Variants in CD99L2 observed in about 807,000 individuals in gnomAD.
CD99L2 encodes the protein CD99 molecule like 2, also known as CD99 antigen-like protein 2.
CD99L2 carries 24 observed loss-of-function variants against 27.3 expected under a neutral mutation model. That is an observed-to-expected ratio of 0.88 (90% CI 0.64 to 1.24). CD99L2 has a LOEUF of 1.24. Among genes scored for constraint, CD99L2 ranks in the 50% most tolerant of loss-of-function variants. The probability of loss-of-function intolerance (pLI) is 0.00; values close to 1 mark genes in which losing one functional copy is unlikely to be tolerated. For missense variants in CD99L2, 255 were observed against 221.6 expected (o/e 1.15, Z -0.96); for synonymous variants, 97 against 87.9 (o/e 1.10, Z -0.58).
intron 4 of CD99L2, among the ~76,000 whole-genome samples, chrX:150,809,050 A>G (rs2046037345): frequency 9.0e-6 from 1 of 111,041 alleles, no homozygotes; most frequent in Non-Finnish European, 1.9e-5. Context: ...TTGAAGATGA[A>G]GGAAGTAACC....
At chrX:150,865,851 T>C (rs2047051889) in intron 1 of CD99L2, among the ~76,000 whole-genome samples, 1 of 112,665 alleles carries the variant, frequency 8.9e-6, no homozygotes, top group Admixed American at 9.3e-5. Flanking sequence ...CCAGGTGTGG[T>C]GGCTCCCACC....
At chrX:150,775,122 C>T (rs782243342) in intron 9 of CD99L2, among the ~76,000 whole-genome samples, 8 of 112,470 alleles carry the variant, frequency 7.1e-5, no homozygotes, top group Admixed American at 1.9e-4. Context: ...TGGAGACTTC[C>T]GTAAAGCATC....
intron 7 of CD99L2, among the ~76,000 whole-genome samples, chrX:150,790,097 C>T (rs1369799838): frequency 9.0e-6 from 1 of 110,507 alleles, no homozygotes; most frequent in Non-Finnish European, 1.9e-5. Context: ...GTCTGAAAAG[C>T]CTATATACTG....
At chrX:150,882,424 T>C (rs184536896) in intron 1 of CD99L2, among the ~76,000 whole-genome samples, 1 of 112,196 alleles carries the variant, frequency 8.9e-6, no homozygotes, top group East Asian at 2.8e-4. Flanking sequence ...ACCTAAATAT[T>C]CATCAAAAAT....
chrX:150,818,828 G>A, intron 2 of CD99L2: 1 of 366,102 alleles, frequency 2.7e-6, no homozygotes, highest in Admixed American at 2.7e-5. Flanking sequence ...CAAACTGTTT[G>A]CAGACAAGTT....
chrX:150,777,807 C>T lies in CD99L2; in HGVS notation c.497-325G>A, dbSNP rs189554282. On this transcript the variant is annotated intron_variant, in intron 7 of 10. Coordinates refer to ENST00000370377, the MANE Select transcript of CD99L2 (RefSeq NM_031462.4). ...GCTACCAGTGGTGCAGCTGCACTAG[C>T]GGCCTCACCATAAGTGGGGGGTGGG... Among the ~76,000 whole-genome samples the T allele has an allele frequency of 4.4e-3, 490 of 111,573 alleles. 1 individual carries two copies. Among genetic ancestry groups the T allele is most frequent in the Middle Eastern group, 0.014 (3 of 216 alleles).
At chrX:150,800,756 G>A (rs112681636) in intron 4 of CD99L2, among the ~76,000 whole-genome samples, 24,737 of 110,473 alleles carry the variant, frequency 0.22, 2,433 homozygotes, top group African/African-American at 0.38. Context: ...AACTCAGCTG[G>A]GTGCAGTGGC....
At position 150,767,669 on chromosome X, in the gene CD99L2, A is replaced by G. The variant is rs1557418712; in HGVS notation, c.*1365T>C. ...GACAATCCCGCTCAGTGGACAGCCT[A>G]TGAAACGCATGGGGCCATCATGCAG... is the stretch of plus-strand genomic sequence containing the variant. On this transcript the variant is annotated 3_prime_UTR_variant, in exon 11 of 11. Coordinates refer to ENST00000370377, the MANE Select transcript of CD99L2 (RefSeq NM_031462.4). The G allele has an allele frequency of 8.9e-6, 1 of 112,012 alleles. No individual in the cohort carries two copies. Among genetic ancestry groups the G allele is most frequent in the East Asian group, 2.8e-4 (1 of 3,531 alleles). The allele number at this position is 112,012 out of a possible 1,213,427, so 9.2% of individuals were successfully genotyped here.
intron 1 of CD99L2, among the ~76,000 whole-genome samples, chrX:150,845,372 T>C (rs1424241600): frequency 8.9e-6 from 1 of 112,072 alleles, no homozygotes; most frequent in Non-Finnish European, 1.9e-5. Flanking sequence ...TTGCACAACA[T>C]AATGAGTATA....
intron 7 of CD99L2, among the ~76,000 whole-genome samples, chrX:150,791,139 C>T (rs1252497304): frequency 3.6e-5 from 4 of 111,890 alleles, no homozygotes; most frequent in Non-Finnish European, 7.5e-5. Context: ...GACTTCCCAG[C>T]CTCTAGAACT....
chrX:150,845,916 C>T (rs782052275), intron 1 of CD99L2, among the ~76,000 whole-genome samples: 1 of 112,334 alleles, frequency 8.9e-6, no homozygotes, highest in African/African-American at 3.2e-5. Flanking sequence ...GTTAGCTGGG[C>T]GCAGTGGCTC....
intron 7 of CD99L2, among the ~76,000 whole-genome samples, chrX:150,782,944 T>C (rs1280477652): frequency 9.1e-6 from 1 of 110,492 alleles, no homozygotes; most frequent in Non-Finnish European, 1.9e-5. Context: ...ACAGTGAAAA[T>C]GGAAGAGAAA....
Position 150,802,911 on chromosome X carries a change from T to C in CD99L2, c.278-7425A>G, listed in dbSNP as rs1419011836. On this transcript the variant is annotated intron_variant, in intron 4 of 10. Coordinates refer to ENST00000370377, the MANE Select transcript of CD99L2 (RefSeq NM_031462.4). ...TTTTTTTTTTTTTTTTTTTTTTTTT[T>C]CTGAGACAGAGTCTCACTTTGTCGC... is the stretch of plus-strand genomic sequence containing the variant. Among the ~76,000 whole-genome samples, 19 of 44,330 alleles carry C rather than the reference T, an allele frequency of 4.3e-4. 1 individual carries two copies. Among genetic ancestry groups the C allele is most frequent in the Non-Finnish European group, 1.6e-4 (4 of 24,456 alleles). 38.5% of individuals were successfully genotyped at this position (44,330 alleles called of 115,157 possible). A position where few individuals can be genotyped will look rare whatever the true frequency, so the allele number is the denominator to read the frequency against.
At chrX:150,886,108 C>CTATTTTTTT (rs2124379306) in intron 1 of CD99L2, among the ~76,000 whole-genome samples, 1 of 112,079 alleles carries the variant, frequency 8.9e-6, no homozygotes, top group African/African-American at 3.2e-5. Flanking sequence ...ATAGAACTGT[C>CTATTTTTTT]TGAGCTGATA....
At chrX:150,842,154 A>G (rs1557421366) in intron 1 of CD99L2, among the ~76,000 whole-genome samples, 1 of 112,112 alleles carries the variant, frequency 8.9e-6, no homozygotes, top group Non-Finnish European at 1.9e-5. Context: ...TTTTAATGTA[A>G]AAAGCACCTA....
intron 1 of CD99L2, among the ~76,000 whole-genome samples, chrX:150,875,395 T>C (rs1557422292): frequency 1.8e-5 from 2 of 112,212 alleles, no homozygotes; most frequent in African/African-American, 3.2e-5. Context: ...CATTAAGTTC[T>C]ATACAACTTT....
intron 1 of CD99L2, among the ~76,000 whole-genome samples, chrX:150,864,505 C>A (rs1262758023): frequency 8.9e-6 from 1 of 112,426 alleles, no homozygotes; most frequent in African/African-American, 3.2e-5. Context: ...TAGAAGCCAC[C>A]TGGCAGCACT....
intron 2 of CD99L2, among the ~76,000 whole-genome samples, chrX:150,827,953 C>A (rs2046390188): frequency 8.9e-6 from 1 of 111,799 alleles, no homozygotes; most frequent in Non-Finnish European, 1.9e-5. Context: ...GACCATAGAT[C>A]TAAGGGTTTA....
rs1460557967 is a variant in CD99L2, at chrX:150,776,369, G to A, written c.536-76C>T. On this transcript the variant is annotated intron_variant, in intron 8 of 10. Coordinates refer to ENST00000370377, the MANE Select transcript of CD99L2 (RefSeq NM_031462.4). The stretch of plus-strand genomic sequence containing the variant: ...ACCGCAGGGAGCAGCCTGGGAGCCT[G>A]CTTCTCCTCTAGCACCAAACTACTA... The A allele has an allele frequency of 4.6e-6, 5 of 1,082,945 alleles. No homozygotes were observed. The African/African-American group carries it at 5.6e-5, about 12-fold the overall frequency. The allele number at this position is 1,082,945 out of a possible 1,213,427, so 89.2% of individuals were successfully genotyped here.
Sources: allele counts gnomAD v4.1 joint callset (sites outside exome capture counted in the v4.1 genomes callset), GRCh38; gene constraint gnomAD v4.1.1; transcripts MANE v1.5; gene names NCBI Gene and HGNC (gene_info 2026-07-23, HGNC 2026-07-21).